The following AKT3 variants were observed in gnomAD, a reference collection of about 807,000 sequenced individuals.
AKT3 encodes the protein RAC-gamma serine/threonine-protein kinase.
A neutral mutation model predicts 65.3 loss-of-function variants in AKT3; 15 were observed. The ratio of observed to expected loss-of-function variants is 0.23; its 90% CI spans 0.15 to 0.35. The LOEUF (loss-of-function observed/expected upper bound fraction) is 0.35. Among genes scored for constraint, AKT3 ranks in the 10% least tolerant of loss-of-function variants. The probability of loss-of-function intolerance (pLI) is 1.00; values close to 1 mark genes in which losing one functional copy is unlikely to be tolerated. For synonymous variants in AKT3, 206 were observed against 183.8 expected, an observed-to-expected ratio of 1.12 and a Z score of -0.98; for missense variants, 243 against 576.5, an observed-to-expected ratio of 0.42 and a Z score of 5.92.
At chr1:243,555,713 C>T (rs531443688) in intron 10 of AKT3, among the ~76,000 whole-genome samples, 2 of 152,136 alleles carry the variant, frequency 1.3e-5, no homozygotes, top group South Asian at 4.1e-4. Context: ...ACAGGTACAA[C>T]AATGGTAGAG....
intron 2 of AKT3, among the ~76,000 whole-genome samples, chr1:243,823,856 C>T (rs1693999635): frequency 6.6e-6 from 1 of 152,142 alleles, no homozygotes. Flanking sequence ...AGATTCAATA[C>T]TATTCCCATT....
chr1:243,599,669 T>C (rs1013524715), intron 8 of AKT3, among the ~76,000 whole-genome samples: 2 of 152,154 alleles, frequency 1.3e-5, no homozygotes, highest in Non-Finnish European at 1.5e-5. Context: ...AAATTACTAA[T>C]AGAAATTCTT....
intron 2 of AKT3, among the ~76,000 whole-genome samples, chr1:243,696,220 T>C (rs930989450): frequency 1.3e-5 from 2 of 151,968 alleles, no homozygotes; most frequent in South Asian, 2.1e-4. Context: ...TTAAGCAACA[T>C]TTTATTGTTC....
chr1:243,758,077 T>G (rs1689252755), intron 2 of AKT3, among the ~76,000 whole-genome samples: 1 of 152,206 alleles, frequency 6.6e-6, no homozygotes, highest in Non-Finnish European at 1.5e-5. Context: ...AATTAACACT[T>G]AAAGCTCTTA....
At chr1:243,597,082 G>A (rs1163790301) in intron 8 of AKT3, among the ~76,000 whole-genome samples, 1 of 152,148 alleles carries the variant, frequency 6.6e-6, no homozygotes, top group Non-Finnish European at 1.5e-5. Flanking sequence ...ACTGCAAAGA[G>A]GCATGGCAGA....
At chr1:243,680,372 G>A (rs1049924850) in intron 3 of AKT3, among the ~76,000 whole-genome samples, 1 of 151,952 alleles carries the variant, frequency 6.6e-6, no homozygotes, top group Non-Finnish European at 1.5e-5. Flanking sequence ...TGTAATAAAG[G>A]GGCAATGTAC....
At chr1:243,546,320 A>G (rs1315010088) in intron 11 of AKT3, among the ~76,000 whole-genome samples, 2 of 152,144 alleles carry the variant, frequency 1.3e-5, no homozygotes, top group Non-Finnish European at 2.9e-5. Flanking sequence ...ATGAAAATGG[A>G]CTAATAATAG....
chr1:243,491,327 C>T (rs1479127245), intron 13 of AKT3, among the ~76,000 whole-genome samples: 2 of 152,218 alleles, frequency 1.3e-5, no homozygotes, highest in East Asian at 3.8e-4. Flanking sequence ...TTTCTTTCTT[C>T]TTTTGCCTGA....
At chr1:243,592,824 A>G (rs1199303476) in intron 8 of AKT3, among the ~76,000 whole-genome samples, 1 of 152,226 alleles carries the variant, frequency 6.6e-6, no homozygotes, top group Non-Finnish European at 1.5e-5. Flanking sequence ...TCTGTTTTAA[A>G]TTTCCTTAAA....
At chr1:243,610,963 T>TGCTACA (rs1412335288) in intron 8 of AKT3, among the ~76,000 whole-genome samples, 1 of 152,224 alleles carries the variant, frequency 6.6e-6, no homozygotes, top group Non-Finnish European at 1.5e-5. Flanking sequence ...TCATTTAAAA[T>TGCTACA]GCTACAATGC....
intron 8 of AKT3, among the ~76,000 whole-genome samples, chr1:243,583,875 T>C (rs181802426): frequency 1.1e-4 from 16 of 151,760 alleles, no homozygotes; most frequent in African/African-American, 3.1e-4. Context: ...ATTAGAAAGA[T>C]CTCAAATTAA....
chr1:243,574,011 T>C (rs1480015448), intron 8 of AKT3, among the ~76,000 whole-genome samples: 1 of 152,150 alleles, frequency 6.6e-6, no homozygotes, highest in Non-Finnish European at 1.5e-5. Flanking sequence ...GCTGAGTATA[T>C]TGCCAGGTAT....
chr1:243,573,511 T>G (rs1674711965), intron 8 of AKT3, among the ~76,000 whole-genome samples: 1 of 152,210 alleles, frequency 6.6e-6, no homozygotes, highest in Non-Finnish European at 1.5e-5. Flanking sequence ...TATTCTACAA[T>G]TTTTGATTAA....
At chr1:243,741,797 TGC>T (rs1688167525) in intron 2 of AKT3, 1 of 152,196 alleles carries the variant, frequency 6.6e-6, no homozygotes, top group South Asian at 2.1e-4. Flanking sequence ...TACTTTTGGT[TGC>T]TGGGAATTCT....
chr1:243,826,902 T>A (rs577443985), intron 2 of AKT3, among the ~76,000 whole-genome samples: 6 of 152,264 alleles, frequency 3.9e-5, no homozygotes, highest in Admixed American at 2.0e-4. Flanking sequence ...TGATGCCAAG[T>A]AAGTGTGACA....
intron 12 of AKT3, among the ~76,000 whole-genome samples, chr1:243,515,636 TAAATTA>T (rs1670303616): frequency 6.6e-6 from 1 of 152,232 alleles, no homozygotes; most frequent in Admixed American, 6.5e-5. Flanking sequence ...TTGCTAAAAT[TAAATTA>T]AACATTTTAG....
At chr1:243,706,187 CTAAA>C (rs1685785847) in intron 2 of AKT3, among the ~76,000 whole-genome samples, 1 of 152,144 alleles carries the variant, frequency 6.6e-6, no homozygotes, top group Non-Finnish European at 1.5e-5. Context: ...AATTCAATGA[CTAAA>C]TAAACCTACC....
At chr1:243,718,987 A>G (rs1379017067) in intron 2 of AKT3, among the ~76,000 whole-genome samples, 1 of 152,176 alleles carries the variant, frequency 6.6e-6, no homozygotes, top group Non-Finnish European at 1.5e-5. Flanking sequence ...TAAGGGGATA[A>G]TTCCCTTAGG....
At chr1:243,626,942 CTG>C (rs761366767) in intron 6 of AKT3, among the ~76,000 whole-genome samples, 1 of 152,164 alleles carries the variant, frequency 6.6e-6, no homozygotes, top group Non-Finnish European at 1.5e-5. Flanking sequence ...AAATGAGAAT[CTG>C]TGCAACTTCC....
Sources: gnomAD v4.1 joint callset for allele counts (sites outside exome capture counted in the v4.1 genomes callset) on GRCh38, gnomAD v4.1.1 for gene constraint, MANE v1.5 for transcripts, NCBI Gene and HGNC (gene_info 2026-07-23, HGNC 2026-07-21) for gene names.